The following SRP19 variants were observed in gnomAD, a reference collection of about 807,000 sequenced individuals.
The protein encoded by SRP19 is signal recognition particle 19 kDa protein.
In SRP19, 11 loss-of-function variants were observed where a neutral mutation model predicts 22.4. The observed-to-expected ratio is 0.49, with a 90% CI of 0.31 to 0.81. The LOEUF is 0.81. SRP19 is among the 40% of genes least tolerant of loss of function. SRP19 has a pLI of 0.05. For synonymous variants in SRP19, 61 were observed against 57.6 expected, an observed-to-expected ratio of 1.06 and a Z score of -0.27; for missense variants, 168 against 175.9, an observed-to-expected ratio of 0.96 and a Z score of 0.25.
chr5:112,863,640 A>T (rs1368228541), intron 2 of SRP19, among the ~76,000 whole-genome samples: 1 of 152,100 alleles, frequency 6.6e-6, no homozygotes, highest in Non-Finnish European at 1.5e-5. Context: ...TGGTGTGAGT[A>T]TGCCAAAGTC....
At position 112,876,135 on chromosome 5, in the gene SRP19, C is replaced by A. The variant is rs540869573; in HGVS notation, c.301+11403C>A. ...ATGCAATACACAGGTTAAAAAAAAA[C>A]AGTGGATTCGGTTTCCTTTAAATGT... On this transcript the variant is annotated intron_variant, in intron 4 of 4. Transcript: ENST00000391338. Among the ~76,000 whole-genome samples, 667 of 151,204 alleles carry A rather than the reference C, an allele frequency of 4.4e-3. 3 individuals carry two copies. Among genetic ancestry groups the A allele is most frequent in the Middle Eastern group, 0.01 (3 of 292 alleles).
At chr5:112,867,313 G>A (rs757333593) in intron 4 of SRP19, 91 bp from the exon 5 acceptor site, 1 of 1,416,512 alleles carries the variant, frequency 7.1e-7, no homozygotes, top group Non-Finnish European at 9.5e-7. Flanking sequence ...TTCTTGATGT[G>A]ATAGTTTCTT....
chr5:112,871,243 A>ATTTTTTTTTTT (rs10592964), downstream of SRP19, among the ~76,000 whole-genome samples: 2 of 93,934 alleles, frequency 2.1e-5, no homozygotes, highest in African/African-American at 9.7e-5. Context: ...CAATCAGTGA[A>ATTTTTTTTTTT]TTTTTTTTTT....
At chr5:112,865,445 GTTGT>G (rs1166128892) in intron 4 of SRP19, among the ~76,000 whole-genome samples, 4 of 152,094 alleles carry the variant, frequency 2.6e-5, no homozygotes, top group African/African-American at 9.7e-5. Context: ...TTGTTTGCAT[GTTGT>G]TTATTTTTCT....
At chr5:112,873,189 TG>T (rs1387331847), downstream of SRP19, among the ~76,000 whole-genome samples, 12 of 150,846 alleles carry the variant, frequency 8.0e-5, no homozygotes, top group African/African-American at 2.7e-4. Flanking sequence ...AAAATTTCAT[TG>T]ATAATTTTTC....
chr5:112,864,392 C>A, intron 2 of SRP19, 65 bp from the exon 3 acceptor site: 2 of 1,361,218 alleles, frequency 1.5e-6, no homozygotes, highest in East Asian at 2.3e-5. Flanking sequence ...AAATTATTTA[C>A]CCAACACTAT....
intron 4 of SRP19, chr5:112,885,779 T>C (rs1768224982): frequency 4.0e-6 from 1 of 249,056 alleles, no homozygotes; most frequent in Non-Finnish European, 8.4e-6. Context: ...GCCAAGCCCG[T>C]AGTCTGAGAC....
intron 4 of SRP19, chr5:112,891,564 G>A (rs1768448563): frequency 1.3e-6 from 2 of 1,546,626 alleles, no homozygotes; most frequent in African/African-American, 2.7e-5. Flanking sequence ...ATCACTGACA[G>A]TGGCAGCTAT....
At chr5:112,873,385 C>T (rs1767803306), downstream of SRP19, among the ~76,000 whole-genome samples, 1 of 133,918 alleles carries the variant, frequency 7.5e-6, no homozygotes, top group Non-Finnish European at 1.6e-5. Flanking sequence ...TTCACACCGT[C>T]ACCCAGACTG....
intron 4 of SRP19, chr5:112,878,907 G>A: frequency 6.2e-7 from 1 of 1,610,062 alleles, no homozygotes; most frequent in Non-Finnish European, 8.5e-7. Flanking sequence ...TGCAAGCTTT[G>A]TGCCTAATGT....
chr5:112,878,665 T>TAATA, intron 4 of SRP19: 1 of 1,388,626 alleles, frequency 7.2e-7, no homozygotes, highest in Non-Finnish European at 9.8e-7. Flanking sequence ...TTCCAATCTT[T>TAATA]AATATCTCAA....
chr5:112,884,730 A>T (rs1335033593), intron 4 of SRP19, among the ~76,000 whole-genome samples: 1 of 151,612 alleles, frequency 6.6e-6, no homozygotes. Flanking sequence ...TCTGGTATAG[A>T]TTTCCTAAAC....
intron 4 of SRP19, chr5:112,885,418 T>A: frequency 5.2e-6 from 1 of 190,900 alleles, no homozygotes; most frequent in Non-Finnish European, 1.1e-5. Flanking sequence ...AAGACAGCAC[T>A]TGGGGATGGA....
chr5:112,895,863 A>G (rs539450170), downstream of SRP19: 5 of 152,304 alleles, frequency 3.3e-5, no homozygotes, highest in Middle Eastern at 3.4e-3. Context: ...GATACTCCCA[A>G]GGAGACTCAC....
Position 112,867,779 on chromosome 5 carries a change from A to G in SRP19, c.*242A>G, listed in dbSNP as rs1440741873. On this transcript the variant is annotated 3_prime_UTR_variant, in exon 5 of 5. Transcript: ENST00000505459. ...TTTCAATGCAGTTTTTTGGAAGAAA[A>G]TATTTTTAAATGGACAATGGACTGT... 18 of 1,217,272 alleles carry G rather than the reference A, an allele frequency of 1.5e-5. No individual in the cohort carries two copies. The highest frequency in any genetic ancestry group is 3.9e-5 in the Admixed American group (1 of 25,652). The allele number at this position is 1,217,272 out of a possible 1,614,324, so 75.4% of individuals were successfully genotyped here. A position where few individuals can be genotyped will look rare whatever the true frequency, so the allele number is the denominator to read the frequency against.
exon 5 of SRP19, chr5:112,892,711 A>T (rs1768519237): frequency 6.2e-7 from 1 of 1,613,968 alleles, no homozygotes; most frequent in Non-Finnish European, 8.5e-7. Context: ...TTCAGATCAG[A>T]CTGGCTCCTC....
At chr5:112,879,394 C>G (rs1214170057) in intron 4 of SRP19, among the ~76,000 whole-genome samples, 1 of 152,082 alleles carries the variant, frequency 6.6e-6, no homozygotes, top group Non-Finnish European at 1.5e-5. Flanking sequence ...ATACCAAAAT[C>G]TGTGAGTGCT....
At position 112,869,076 on chromosome 5, in the gene SRP19, G is replaced by A. The variant is rs1456348906; in HGVS notation, c.*1539G>A. On this transcript the variant is annotated 3_prime_UTR_variant, in exon 5 of 5. Coordinates refer to ENST00000505459, the MANE Select transcript of SRP19 (RefSeq NM_003135.3). ...CTGTGTAACAAAACAATAAGGGGAT[G>A]TGTTTGCTGTGTAACAAAACAATGA... 6.6e-6 allele frequency: 1 copy of A among 152,194 alleles called. No homozygotes were observed. The highest frequency in any genetic ancestry group is 2.4e-5 in the African/African-American group (1 of 41,428). The allele number at this position is 152,194 out of a possible 1,614,324, so 9.4% of individuals were successfully genotyped here. A position where few individuals can be genotyped will look rare whatever the true frequency, so the allele number is the denominator to read the frequency against.
intron 4 of SRP19, among the ~76,000 whole-genome samples, chr5:112,865,746 A>G (rs138087470): frequency 0.052 from 7,841 of 152,128 alleles, 493 homozygotes; most frequent in East Asian, 0.16. Flanking sequence ...GGCATGTGCC[A>G]TCACACCCAG....
Sources: gnomAD v4.1 joint callset for allele counts (sites outside exome capture counted in the v4.1 genomes callset) on GRCh38, gnomAD v4.1.1 for gene constraint, MANE v1.5 for transcripts, NCBI Gene and HGNC (gene_info 2026-07-23, HGNC 2026-07-21) for gene names.